Variants in NCOA1 observed in about 807,000 individuals in gnomAD.
NCOA1 encodes the protein Hin-2 protein.
NCOA1 carries 35 observed loss-of-function variants against 150.9 expected under a neutral mutation model. That is an observed-to-expected ratio of 0.23 (90% CI 0.18 to 0.31). The LOEUF is 0.31. Ranked by LOEUF, NCOA1 falls within the 10% of genes least tolerant of loss-of-function variation. NCOA1 has a pLI of 1.00. For missense variants in NCOA1, 1,491 were observed against 1,749.3 expected (o/e 0.85, Z 2.63); for synonymous variants, 590 against 630.0 (o/e 0.94, Z 0.95).
rs56206529 is a variant in NCOA1 at position 24,647,653 on chromosome 2, A to G, written c.-18+3531A>G. Among the ~76,000 whole-genome samples the G allele has an allele frequency of 7.0e-3, 946 of 134,842 alleles. 13 individuals are homozygous for G. Among genetic ancestry groups the G allele is most frequent in the African/African-American group, 0.022 (868 of 40,256 alleles). 88.5% of individuals were successfully genotyped at this position (134,842 alleles called of 152,430 possible). ...GTGAATTAATGCATATAAAACATAT[A>G]TTACATGCTCAATATATATATAATG... On this transcript the variant is annotated intron_variant, in intron 4 of 22. Transcript: ENST00000348332.
chr2:24,726,363 T>G (rs1003406217), intron 14 of NCOA1, among the ~76,000 whole-genome samples: 2 of 152,146 alleles, frequency 1.3e-5, no homozygotes, highest in Non-Finnish European at 2.9e-5. Flanking sequence ...ATGTACAAAC[T>G]TTAATATCAG....
intron 6 of NCOA1, among the ~76,000 whole-genome samples, chr2:24,666,721 C>T (rs1671448521): frequency 6.6e-6 from 1 of 151,774 alleles, no homozygotes; most frequent in South Asian, 2.1e-4. Context: ...CAACCTCTAC[C>T]TCCTGGGTTC....
chr2:24,647,649 ATATAT>A (rs143308044), intron 4 of NCOA1, among the ~76,000 whole-genome samples: 9,101 of 152,124 alleles, frequency 0.06, 364 homozygotes, highest in Non-Finnish European at 0.091. Context: ...CATATAAAAC[ATATAT>A]TACATGCTCA....
chr2:24,544,478 C>T (rs551648243), intron 1 of NCOA1, among the ~76,000 whole-genome samples: 1 of 152,248 alleles, frequency 6.6e-6, no homozygotes, highest in Admixed American at 6.5e-5. Context: ...TGCGGTGGCT[C>T]ATGCCTGTAA....
At chr2:24,603,759 T>C (rs1352412252) in intron 3 of NCOA1, among the ~76,000 whole-genome samples, 1 of 152,202 alleles carries the variant, frequency 6.6e-6, no homozygotes, top group Non-Finnish European at 1.5e-5. Flanking sequence ...CTCATAAAAG[T>C]CATCCATGAT....
intron 1 of NCOA1, among the ~76,000 whole-genome samples, chr2:24,526,263 G>GT (rs935029970): frequency 4.8e-4 from 70 of 146,900 alleles, no homozygotes; most frequent in Non-Finnish European, 4.2e-4. Flanking sequence ...TTTGCAGTTA[G>GT]TTTTTTTTTT....
chr2:24,707,753 A>G lies in NCOA1; in HGVS notation c.2283A>G (p.Arg761=), dbSNP rs1226727917. ...TAGATAAAGATGAGAAAGATTTAAG[A>G]TCAACTCCAAACCTGAGCCTGGATG... ...YLLDKDEKDL[R]STPNLSLDDV... The change falls in exon 13 of 23, where the codon AGA becomes AGG. Residue 761 remains arginine (R), a synonymous_variant. Transcript: ENST00000348332. The G allele has an allele frequency of 6.2e-7, 1 of 1,614,204 alleles. No individual in the cohort carries two copies. The highest frequency in any genetic ancestry group is 1.1e-5 in the South Asian group (1 of 91,086).
rs189311553 is a variant in NCOA1 at position 24,741,718 on chromosome 2, A to G, written c.3304-66A>G. The G allele has an allele frequency of 1.4e-4, 202 of 1,495,842 alleles. 1 individual carries two copies. In the East Asian group the frequency reaches 2.7e-3, roughly 20 times the overall value. The allele number at this position is 1,495,842 out of a possible 1,614,324, so 92.7% of individuals were successfully genotyped here. On this transcript the variant is annotated intron_variant, in intron 18 of 22. Coordinates refer to ENST00000348332, the MANE Select transcript of NCOA1 (RefSeq NM_003743.5). ...CCCCAAGCAAGTAGGCCTTAATCCA[A>G]TGAACTTTCCAGGATAGATAGTGAT...
At chr2:24,617,869 A>G (rs1393720381) in intron 3 of NCOA1, among the ~76,000 whole-genome samples, 1 of 152,110 alleles carries the variant, frequency 6.6e-6, no homozygotes, top group African/African-American at 2.4e-5. Flanking sequence ...AAAAACTGTG[A>G]TATACACACA....
At chr2:24,662,696 G>C (rs1399950766) in intron 5 of NCOA1, among the ~76,000 whole-genome samples, 1 of 152,106 alleles carries the variant, frequency 6.6e-6, no homozygotes, top group Admixed American at 6.5e-5. Flanking sequence ...TACAGATAAG[G>C]AAATCGAAGC....
chr2:24,748,338 G>C (rs1031160798), intron 19 of NCOA1, among the ~76,000 whole-genome samples: 2 of 151,470 alleles, frequency 1.3e-5, no homozygotes, highest in Non-Finnish European at 2.9e-5. Context: ...AAGGCCGGGC[G>C]TGGTGGCTCA....
At chr2:24,738,413 T>C (rs1438350537) in intron 17 of NCOA1, among the ~76,000 whole-genome samples, 2 of 152,156 alleles carry the variant, frequency 1.3e-5, no homozygotes, top group Non-Finnish European at 2.9e-5. Context: ...TTTTAAGCTA[T>C]ACATTGTTTT....
chr2:24,687,184 A>G (rs980903425), intron 8 of NCOA1, among the ~76,000 whole-genome samples: 2 of 151,210 alleles, frequency 1.3e-5, no homozygotes, highest in Admixed American at 1.3e-4. Flanking sequence ...CCTTTTCTCT[A>G]CCTTCTTTCC....
chr2:24,731,116 GT>G (rs1188480042), intron 17 of NCOA1, among the ~76,000 whole-genome samples: 2 of 151,450 alleles, frequency 1.3e-5, no homozygotes, highest in African/African-American at 4.9e-5. Context: ...GAATCTTGTA[GT>G]TTCTAAAACC....
chr2:24,697,517 T>TA, intron 10 of NCOA1, 141 bp from the exon 11 acceptor site: 1 of 788,270 alleles, frequency 1.3e-6, no homozygotes, highest in Non-Finnish European at 1.9e-6. Flanking sequence ...ATAACTATAA[T>TA]AAAAATTAAT....
intron 10 of NCOA1, among the ~76,000 whole-genome samples, chr2:24,694,381 C>CT (rs1269610320): frequency 6.6e-6 from 1 of 152,144 alleles, no homozygotes; most frequent in South Asian, 2.1e-4. Flanking sequence ...TTCTAGCAGA[C>CT]TAAGATTTTA....
intron 4 of NCOA1, among the ~76,000 whole-genome samples, chr2:24,655,940 T>A (rs549592775): frequency 6.6e-6 from 1 of 151,664 alleles, no homozygotes; most frequent in Non-Finnish European, 1.5e-5. Flanking sequence ...TACAAAAAAT[T>A]AGCCGGGCAT....
At chr2:24,652,796 C>T (rs1462995284) in intron 4 of NCOA1, among the ~76,000 whole-genome samples, 1 of 152,076 alleles carries the variant, frequency 6.6e-6, no homozygotes, top group African/African-American at 2.4e-5. Flanking sequence ...GAAACCTTAC[C>T]TCTTTTTAAA....
rs180735886 is a variant in NCOA1, at chr2:24,533,390, G to A, written c.-395-30905G>A. Among the ~76,000 whole-genome samples the A allele has an allele frequency of 9.2e-5, 14 of 152,238 alleles. 1 individual carries two copies. In the East Asian group the frequency reaches 1.5e-3, roughly 17 times the overall value. ...CTAAATATCCAATCATGTCATCTGA[G>A]AATAGAGACAATTTGACTTTCTCTT... On this transcript the variant is annotated intron_variant, in intron 1 of 22. Transcript: ENST00000348332.
Sources: gnomAD v4.1 joint callset for allele counts (sites outside exome capture counted in the v4.1 genomes callset) on GRCh38, gnomAD v4.1.1 for gene constraint, MANE v1.5 for transcripts, NCBI Gene and HGNC (gene_info 2026-07-23, HGNC 2026-07-21) for gene names.